The following UGT1A6 variants were observed in gnomAD, a reference collection of about 807,000 sequenced individuals.
The protein encoded by UGT1A6 is UDP glucuronosyltransferase family 1 member A6.
In UGT1A6, 32 loss-of-function variants were observed where a neutral mutation model predicts 44.4. The observed-to-expected ratio is 0.72, with a 90% CI of 0.54 to 0.97. UGT1A6 has a LOEUF of 0.97. Among genes scored for constraint, UGT1A6 ranks in the 50% least tolerant of loss-of-function variants. The probability of loss-of-function intolerance (pLI) is 0.00; values close to 1 mark genes in which losing one functional copy is unlikely to be tolerated. For synonymous variants in UGT1A6, 238 were observed against 248.5 expected (o/e 0.96, Z 0.40); for missense variants, 685 against 661.9 (o/e 1.03, Z -0.38).
chr2:233,725,827 T>G (rs1405818881), intron 1 of UGT1A6, among the ~76,000 whole-genome samples: 1 of 152,182 alleles, frequency 6.6e-6, no homozygotes. Flanking sequence ...ATACCAGTAT[T>G]GCTACTCCTA....
At position 233,754,943 on chromosome 2, in the gene UGT1A6, T is replaced by C. The variant is rs746665032; in HGVS notation, c.862-12091T>C. 5.3e-6 allele frequency: 7 copies of C among 1,332,236 alleles called. No individual in the cohort carries two copies. The African/African-American group carries it at 1.0e-4, about 20-fold the overall frequency. The allele number at this position is 1,332,236 out of a possible 1,614,324, so 82.5% of individuals were successfully genotyped here. The stretch of plus-strand genomic sequence containing the variant: ...GGTTTCCCAAGAGGTCAAAGGAGAA[T>C]GGGTCCCGGCCGCCAAAGAACTCCC... On this transcript the variant is annotated intron_variant, in intron 1 of 4. Transcript: ENST00000305139.
rs1699804309 is a variant in UGT1A6, at chr2:233,769,169, A to G, written c.1301+730A>G. Among the ~76,000 whole-genome samples, 1 of 152,236 alleles carries G rather than the reference A, an allele frequency of 6.6e-6. No individual in the cohort carries two copies. The highest frequency in any genetic ancestry group is 2.1e-4 in the South Asian group (1 of 4,828). On this transcript the variant is annotated intron_variant, in intron 4 of 4. Coordinates refer to ENST00000305139, the MANE Select transcript of UGT1A6 (RefSeq NM_001072.4). The surrounding 1 kb of genome is among the most constrained non-coding windows in gnomAD (Gnocchi z 4.4). ...CTGGAACCTGTGAGAAATTTTGTCC[A>G]TGGAGTTTATGAATGAAGGAGCTAT...
chr2:233,721,049 T>A (rs1041518517), intron 1 of UGT1A6, among the ~76,000 whole-genome samples: 1 of 152,122 alleles, frequency 6.6e-6, no homozygotes, highest in African/African-American at 2.4e-5. Flanking sequence ...GAGCCCTTTT[T>A]TGTCATATTC....
intron 1 of UGT1A6, among the ~76,000 whole-genome samples, chr2:233,761,431 T>C (rs1333766106): frequency 6.6e-6 from 1 of 152,234 alleles, no homozygotes; most frequent in Non-Finnish European, 1.5e-5. Context: ...TTAAATGCCA[T>C]AGGCACAGAA....
At chr2:233,768,773 A>T (rs1302611596) in intron 4 of UGT1A6, among the ~76,000 whole-genome samples, 2 of 151,734 alleles carry the variant, frequency 1.3e-5, no homozygotes, top group Non-Finnish European at 2.9e-5. Context: ...TAGTAGAGAA[A>T]GGGTTTCACC....
chr2:233,724,157 G>A (rs1410071236), intron 1 of UGT1A6, among the ~76,000 whole-genome samples: 2 of 119,956 alleles, frequency 1.7e-5, no homozygotes, highest in African/African-American at 7.4e-5. Flanking sequence ...GCCGGGTGGG[G>A]GGGCTGACCC....
chr2:233,760,739 A>C, intron 1 of UGT1A6: 1 of 1,613,934 alleles, frequency 6.2e-7, no homozygotes, highest in Non-Finnish European at 8.5e-7. Context: ...ATGCTGACGG[A>C]CCCTTTCCTT....
rs11568317 is a variant in UGT1A6 at position 233,757,117 on chromosome 2, A to G, written c.862-9917A>G. ...GAGGGAGGGGGCAAGCAGAAGGGCT[A>G]GAGAGGAGGAATGAGCTTGGACAGG... On this transcript the variant is annotated intron_variant, in intron 1 of 4. Transcript: ENST00000305139. Among the ~76,000 whole-genome samples, 108 of 151,324 alleles carry G rather than the reference A, an allele frequency of 7.1e-4. 1 individual carries two copies. In the East Asian group the frequency reaches 0.02, roughly 28 times the overall value.
At chr2:233,772,163 T>C in intron 4 of UGT1A6, 99 bp from the exon 5 acceptor site, 2 of 1,568,298 alleles carry the variant, frequency 1.3e-6, no homozygotes, top group South Asian at 1.2e-5. Context: ...TTCCCAAGTT[T>C]GGAAAATCTG....
intron 1 of UGT1A6, chr2:233,713,759 G>T: frequency 6.2e-7 from 1 of 1,613,990 alleles, no homozygotes; most frequent in South Asian, 1.1e-5. Flanking sequence ...CTGTGTGGCT[G>T]TTCCGAGGGG....
rs1269170912 is a variant in UGT1A6 at position 233,716,767 on chromosome 2, C to G, written c.861+22902C>G. Among the ~76,000 whole-genome samples, 2 of 152,200 alleles carry G rather than the reference C, an allele frequency of 1.3e-5. 1 individual carries two copies. The highest frequency in any genetic ancestry group is 1.3e-4 in the Admixed American group (2 of 15,278). On this transcript the variant is annotated intron_variant, in intron 1 of 4. Coordinates refer to ENST00000305139, the MANE Select transcript of UGT1A6 (RefSeq NM_001072.4). ...ATTGGGAGAGGGGAGCTAGATCACT[C>G]AGGTCAGGCTTTCGGGATGCCTTTT...
At chr2:233,733,900 C>G (rs1176536983) in intron 1 of UGT1A6, among the ~76,000 whole-genome samples, 1 of 151,704 alleles carries the variant, frequency 6.6e-6, no homozygotes, top group Non-Finnish European at 1.5e-5. Context: ...CTGTTTGTAC[C>G]TCTCTGGTAG....
intron 1 of UGT1A6, among the ~76,000 whole-genome samples, chr2:233,720,439 A>G (rs1010293561): frequency 2.0e-5 from 3 of 152,114 alleles, no homozygotes; most frequent in African/African-American, 7.2e-5. Context: ...CCGTGAATCT[A>G]TAAGCCCAGT....
At chr2:233,748,319 T>C (rs554683228) in intron 1 of UGT1A6, among the ~76,000 whole-genome samples, 1 of 151,864 alleles carries the variant, frequency 6.6e-6, no homozygotes, top group South Asian at 2.1e-4. Flanking sequence ...GGACTAGGAC[T>C]GATGTGACTC....
chr2:233,760,323 C>G (rs760176104), intron 1 of UGT1A6: 27 of 1,613,844 alleles, frequency 1.7e-5, no homozygotes, highest in Non-Finnish European at 2.3e-5. Flanking sequence ...GCCCACTTGT[C>G]CTGGGCCTGC....
chr2:233,717,731 T>C (rs923613930), intron 1 of UGT1A6: 5 of 456,000 alleles, frequency 1.1e-5, no homozygotes, highest in Non-Finnish European at 2.2e-5. Context: ...GAGACCATTG[T>C]GAGTGCTCAG....
chr2:233,764,498 G>T (rs1372261378), intron 1 of UGT1A6, among the ~76,000 whole-genome samples: 1 of 152,176 alleles, frequency 6.6e-6, no homozygotes, highest in East Asian at 1.9e-4. Context: ...TGGACCTGTG[G>T]GTTCAATTTT....
At position 233,693,527 on chromosome 2, in the gene UGT1A6, C is replaced by T; in HGVS notation, c.523C>T (p.Pro175Ser). The T allele has an allele frequency of 1.2e-6, 2 of 1,614,200 alleles. No homozygotes were observed. The highest frequency in any genetic ancestry group is 1.7e-6 in the Non-Finnish European group (2 of 1,180,024). ...LPSVYLFRGFPCSLEHTFSRS... is the reference protein window; with the variant it reads ...LPSVYLFRGFSCSLEHTFSRS... ...ATCTGTGTACCTCTTCAGGGGTTTT[C>T]CGTGTTCCCTGGAGCATACATTCAG... The change falls in exon 1 of 5, where the codon CCG (proline) becomes TCG (serine). Residue 175 changes from proline to serine, a missense_variant. Coordinates refer to ENST00000305139, the MANE Select transcript of UGT1A6 (RefSeq NM_001072.4).
chr2:233,740,373 A>C (rs1691376932), intron 1 of UGT1A6, among the ~76,000 whole-genome samples: 2 of 151,912 alleles, frequency 1.3e-5, no homozygotes, highest in Non-Finnish European at 2.9e-5. Context: ...CTAGAAAGGT[A>C]AGTTGTTGTG....
Sources: allele counts gnomAD v4.1 joint callset (sites outside exome capture counted in the v4.1 genomes callset), GRCh38; gene constraint gnomAD v4.1.1; non-coding constraint Gnocchi (gnomAD v3.1); transcripts MANE v1.5; gene names NCBI Gene and HGNC (gene_info 2026-07-23, HGNC 2026-07-21).